ZFR: variants seen among roughly 807,000 people sequenced by gnomAD.
ZFR encodes zinc finger RNA-binding protein.
In ZFR, 19 loss-of-function variants were observed where a neutral mutation model predicts 130.7. The observed-to-expected ratio is 0.15, with a 90% CI of 0.10 to 0.21. The LOEUF (loss-of-function observed/expected upper bound fraction) is 0.21. ZFR is among the 10% of genes least tolerant of loss of function. The pLI is 1.00. For missense variants in ZFR, 872 were observed against 1,321.5 expected (o/e 0.66, Z 5.27); for synonymous variants, 466 against 456.9 (o/e 1.02, Z -0.25).
At chr5:32,406,711 T>A (rs964035077) in intron 6 of ZFR, 63 bp downstream of exon 6, 44 of 1,537,946 alleles carry the variant, frequency 2.9e-5, no homozygotes, top group Non-Finnish European at 3.7e-5. Flanking sequence ...GGCTCAGGAG[T>A]TAGAATACCA....
At chr5:32,390,634 A>C (rs907314366) in intron 11 of ZFR, among the ~76,000 whole-genome samples, 197 bp from the exon 12 acceptor site, 1 of 152,224 alleles carries the variant, frequency 6.6e-6, no homozygotes, top group Non-Finnish European at 1.5e-5. Context: ...AAAAGCAGAA[A>C]ATTTCAGCCT....
intron 4 of ZFR, among the ~76,000 whole-genome samples, chr5:32,415,972 T>TTC (rs200971614): frequency 3.1e-4 from 27 of 85,972 alleles, no homozygotes; most frequent in African/African-American, 1.1e-3. Context: ...AACTTTTATC[T>TTC]TTTTTTTTTT....
intron 14 of ZFR, 126 bp from the exon 15 acceptor site, chr5:32,385,775 G>T: frequency 2.1e-6 from 2 of 952,132 alleles, no homozygotes; most frequent in African/African-American, 1.7e-5. Flanking sequence ...ATTATATACT[G>T]CTCCTTCTAG....
chr5:32,358,102 A>C (rs1424648553), intron 19 of ZFR, among the ~76,000 whole-genome samples: 1 of 152,278 alleles, frequency 6.6e-6, no homozygotes, highest in African/African-American at 2.4e-5. Flanking sequence ...TCATGCCTGT[A>C]ATCTCAGCAC....
chr5:32,385,791 C>T (rs2111724337), intron 14 of ZFR, 142 bp from the exon 15 acceptor site: 1 of 735,834 alleles, frequency 1.4e-6, no homozygotes, highest in Non-Finnish European at 2.1e-6. Flanking sequence ...TCTAGGAAGC[C>T]CTGCCGTACA....
chr5:32,429,561 T>A (rs1294577255), intron 2 of ZFR, among the ~76,000 whole-genome samples: 2 of 152,206 alleles, frequency 1.3e-5, no homozygotes, highest in African/African-American at 4.8e-5. Flanking sequence ...GAAGTTAGTT[T>A]AATTCAGACT....
intron 2 of ZFR, among the ~76,000 whole-genome samples, chr5:32,427,835 A>T (rs1754109849): frequency 6.6e-6 from 1 of 152,230 alleles, no homozygotes; most frequent in African/African-American, 2.4e-5. Flanking sequence ...ACAGTCAAAT[A>T]ATTTTTGACA....
chr5:32,372,797 T>G (rs994082436), intron 17 of ZFR, among the ~76,000 whole-genome samples: 2 of 151,870 alleles, frequency 1.3e-5, no homozygotes, highest in Non-Finnish European at 2.9e-5. Flanking sequence ...ATCACACCAC[T>G]GCACTCTAGT....
chr5:32,434,489 G>A (rs1276148515), intron 2 of ZFR, among the ~76,000 whole-genome samples: 2 of 152,212 alleles, frequency 1.3e-5, no homozygotes, highest in Admixed American at 1.3e-4. Flanking sequence ...CAACTATGAA[G>A]TTAGTGTCTC....
At chr5:32,370,902 G>A (rs1752657100) in intron 17 of ZFR, among the ~76,000 whole-genome samples, 2 of 152,164 alleles carry the variant, frequency 1.3e-5, no homozygotes, top group South Asian at 4.1e-4. Context: ...GGCCACAAAA[G>A]CAGGCATTGT....
At position 32,387,973 on chromosome 5, in the gene ZFR, G is replaced by A. The variant is rs139308914; in HGVS notation, c.2349-274C>T. ...TCTTATTTCACAAGTCAGAATAATA[G>A]GAGTTATGTTTAATGTAATACAAAA... On this transcript the variant is annotated intron_variant, in intron 13 of 19. Coordinates refer to ENST00000265069, the MANE Select transcript of ZFR (RefSeq NM_016107.5). Among the ~76,000 whole-genome samples the A allele has an allele frequency of 7.8e-3, 1,184 of 152,186 alleles. 15 individuals carry two copies. Among genetic ancestry groups the A allele is most frequent in the African/African-American group, 0.027 (1,119 of 41,536 alleles).
chr5:32,381,303 T>A (rs935873938), intron 15 of ZFR, among the ~76,000 whole-genome samples: 1 of 152,190 alleles, frequency 6.6e-6, no homozygotes, highest in Non-Finnish European at 1.5e-5. Context: ...TTTATATCCA[T>A]CTAAACATCT....
chr5:32,435,327 C>A (rs1754309946), intron 2 of ZFR, among the ~76,000 whole-genome samples: 1 of 152,152 alleles, frequency 6.6e-6, no homozygotes, highest in African/African-American at 2.4e-5. Context: ...AAAAGCTAAC[C>A]TTCTGTCAAT....
At chr5:32,420,149 C>A in intron 2 of ZFR, 46 bp from the exon 3 acceptor site, 1 of 1,397,990 alleles carries the variant, frequency 7.2e-7, no homozygotes, top group South Asian at 1.9e-5. Context: ...TTTTAATATC[C>A]AGGAGTTAAC....
intron 5 of ZFR, among the ~76,000 whole-genome samples, chr5:32,408,003 C>G (rs1193421748): frequency 6.6e-6 from 1 of 152,096 alleles, no homozygotes; most frequent in Non-Finnish European, 1.5e-5. Flanking sequence ...TTAAGATGCC[C>G]TTTAACAGAG....
chr5:32,381,814 G>A (rs1394922931), intron 15 of ZFR, among the ~76,000 whole-genome samples: 1 of 152,140 alleles, frequency 6.6e-6, no homozygotes. Context: ...AAAACTGTGT[G>A]ACATTTTGAG....
intron 2 of ZFR, among the ~76,000 whole-genome samples, chr5:32,438,643 T>A (rs1212136238): frequency 1.3e-5 from 2 of 152,206 alleles, no homozygotes; most frequent in Non-Finnish European, 2.9e-5. Context: ...AACAATCATG[T>A]TACCTGTAAA....
chr5:32,420,099 G>T lies in ZFR; in HGVS notation c.142C>A (p.Gln48Lys). The change falls in exon 3 of 20, where the codon CAG (glutamine) becomes AAG (lysine). Residue 48 changes from glutamine (Q) to lysine (K), a missense_variant. Coordinates refer to ENST00000265069, the MANE Select transcript of ZFR (RefSeq NM_016107.5). ...AAAAAAQYSQ[Q>K]PASGVAYSHP... ...GAATAGGCTACACCCGAAGCTGGCT[G>T]CTGGCTACATTGTGGAGTACAAGAA... 6.4e-7 allele frequency: 1 copy of T among 1,572,190 alleles called. No homozygotes were observed. Among genetic ancestry groups the T allele is most frequent in the Admixed American group, 1.8e-5 (1 of 55,212 alleles).
chr5:32,388,617 T>C lies in ZFR; in HGVS notation c.2200A>G (p.Ile734Val), dbSNP rs1376753554. Residue 734 changes from isoleucine (I) to valine (V), a missense_variant, in exon 13 of 20, where the codon ATT (isoleucine) becomes GTT (valine). Transcript: ENST00000265069. ...TGTAACTCCTCTTCAGTTGGATAAA[T>C]GGTGGCATGTTTTGTCATTACATAA... The part of the protein sequence containing the change: ...DRYVMTKHAT[I>V]YPTEEELQAV... 6.2e-7 allele frequency: 1 copy of C among 1,614,006 alleles called. No individual in the cohort carries two copies. Among genetic ancestry groups the C allele is most frequent in the Non-Finnish European group, 8.5e-7 (1 of 1,179,920 alleles).
Sources: gnomAD v4.1 joint callset for allele counts (sites outside exome capture counted in the v4.1 genomes callset) on GRCh38, gnomAD v4.1.1 for gene constraint, MANE v1.5 for transcripts, NCBI Gene and HGNC (gene_info 2026-07-23, HGNC 2026-07-21) for gene names.